PCNT: variants seen among roughly 807,000 people sequenced by gnomAD.
PCNT encodes the protein kendrin.
Under a neutral mutation model 380.4 loss-of-function variants are expected in PCNT, and 319 were observed. The observed-to-expected ratio is 0.84, with a 90% CI of 0.77 to 0.92. The LOEUF is 0.92. PCNT is among the 40% of genes least tolerant of loss of function. The pLI is 0.00. For missense variants in PCNT, 4,400 were observed against 4,255.3 expected, an observed-to-expected ratio of 1.03 and a Z score of -0.95; for synonymous variants, 1,845 against 1,735.2, an observed-to-expected ratio of 1.06 and a Z score of -1.57.
chr21:46,427,642 C>T lies in PCNT; in HGVS notation c.7341C>T (p.Pro2447=), dbSNP rs779095232. 1.1e-5 allele frequency: 18 copies of T among 1,613,786 alleles called. No individual in the cohort carries two copies. The highest frequency in any genetic ancestry group is 2.2e-5 in the East Asian group (1 of 44,882). The change falls in exon 34 of 47, where the codon CCC becomes CCT. Residue 2447 remains proline (P), a synonymous_variant. Coordinates refer to ENST00000359568, the MANE Select transcript of PCNT (RefSeq NM_006031.6). ...TTTAGGAAGTGCCCACCGCGTGCCCCGATTGGAGAGGGGACCTTCTGCAGG... is the reference window on the plus strand; with the variant it reads ...TTTAGGAAGTGCCCACCGCGTGCCCTGATTGGAGAGGGGACCTTCTGCAGG... The part of the protein sequence containing the change: ...GKTQEVPTAC[P]DWRGDLLQVV...
Position 46,347,003 on chromosome 21 carries a change from T to A in PCNT, c.976+5T>A. The A allele has an allele frequency of 1.3e-6, 2 of 1,593,024 alleles. No individual in the cohort carries two copies. The highest frequency in any genetic ancestry group is 1.7e-6 in the Non-Finnish European group (2 of 1,172,248). On this transcript the variant is annotated splice_donor_5th_base_variant and intron_variant, in intron 5 of 46. Transcript: ENST00000359568. ...TCAGGTGTGGACAGGAAGCAGGTACTGCATGGCTAGGCGGGCACGGGCAGC... is the reference window on the plus strand; with the variant it reads ...TCAGGTGTGGACAGGAAGCAGGTACAGCATGGCTAGGCGGGCACGGGCAGC...
chr21:46,380,898 C>T (rs2085508361), intron 15 of PCNT, among the ~76,000 whole-genome samples: 1 of 152,134 alleles, frequency 6.6e-6, no homozygotes, highest in South Asian at 2.1e-4. Flanking sequence ...GGTGCAGTGG[C>T]TCACACCTGT....
chr21:46,355,473 G>A lies in PCNT; in HGVS notation c.1783G>A (p.Ala595Thr). Residue 595 changes from alanine (A) to threonine (T), a missense_variant, in exon 12 of 47, where the codon GCG (alanine) becomes ACG (threonine). Ala to Thr is a moderately conservative substitution (Grantham distance 58). Transcript: ENST00000359568. Reference protein sequence around the residue: ...RHKESLPRFQAELEESHRHQL... With the variant: ...RHKESLPRFQTELEESHRHQL... ...GTAGGAGAGCCTGCCACGCTTCCAG[G>A]CGGAGTTAGAAGAAAGCCACAGGCA... is the stretch of plus-strand genomic sequence containing the variant. 2 of 1,614,018 alleles carry A rather than the reference G, an allele frequency of 1.2e-6. No homozygotes were observed. Among genetic ancestry groups the A allele is most frequent in the Non-Finnish European group, 8.5e-7 (1 of 1,180,032 alleles).
At chr21:46,427,567 CA>C in intron 33 of PCNT, 54 bp from the exon 34 acceptor site, 1 of 1,607,714 alleles carries the variant, frequency 6.2e-7, no homozygotes, top group Non-Finnish European at 8.5e-7. Flanking sequence ...AACTTTAGGG[CA>C]CAAGGATGCA....
intron 12 of PCNT, 45 bp downstream of exon 12, chr21:46,355,671 T>TG (rs1177561506): frequency 1.2e-6 from 2 of 1,602,718 alleles, no homozygotes; most frequent in Admixed American, 1.7e-5. Flanking sequence ...GTCCCGGGTC[T>TG]GGGGGACGTT....
intron 7 of PCNT, 104 bp from the exon 8 acceptor site, chr21:46,349,580 G>A: frequency 7.9e-7 from 1 of 1,273,154 alleles, no homozygotes. Context: ...GCCCAGGATG[G>A]GGCTCTGGGT....
Position 46,416,297 on chromosome 21 carries a change from GAC to G in PCNT, c.6383_6384del (p.Thr2128MetfsTer2). ...GEEPDISPHI[D>X]TCDANTATGG... ...AGAGCCTGACATATCACCCCACATA[GAC>G]ACATGTGATGCCAATACAGCCACGG... is the stretch of plus-strand genomic sequence containing the variant. On this transcript the variant is annotated frameshift_variant, in exon 30 of 47. Transcript: ENST00000359568. LOFTEE classifies it high-confidence loss of function. 6.2e-7 allele frequency: 1 copy of G among 1,613,900 alleles called. No individual in the cohort carries two copies. Among genetic ancestry groups the G allele is most frequent in the Non-Finnish European group, 8.5e-7 (1 of 1,179,876 alleles).
chr21:46,358,861 C>T (rs1451081453), intron 13 of PCNT, among the ~76,000 whole-genome samples: 2 of 151,878 alleles, frequency 1.3e-5, no homozygotes, highest in African/African-American at 2.4e-5. Context: ...AGCGCGGTGG[C>T]GCAATCTCAG....
chr21:46,326,135 C>A (rs1232061099), intron 1 of PCNT, among the ~76,000 whole-genome samples: 1 of 152,234 alleles, frequency 6.6e-6, no homozygotes, highest in Admixed American at 6.5e-5. Context: ...GAAAGCTATT[C>A]TGCCAATCAG....
intron 21 of PCNT, 60 bp downstream of exon 21, chr21:46,391,436 G>T: frequency 1.5e-6 from 2 of 1,363,670 alleles, no homozygotes; most frequent in East Asian, 2.5e-5. Flanking sequence ...CAGCTGCCAC[G>T]GTTTCCCCAG....
chr21:46,402,918 T>G (rs2086476801), intron 27 of PCNT, among the ~76,000 whole-genome samples: 1 of 152,230 alleles, frequency 6.6e-6, no homozygotes, highest in South Asian at 2.1e-4. Flanking sequence ...TAAATTTTTG[T>G]GAGTACATAG....
Position 46,383,597 on chromosome 21 carries a change from G to A in PCNT, c.3312+1757G>A, listed in dbSNP as rs546157548. Among the ~76,000 whole-genome samples, 72 of 135,894 alleles carry A rather than the reference G, an allele frequency of 5.3e-4. 3 individuals carry two copies. In the South Asian group the frequency reaches 8.8e-3, roughly 17 times the overall value. 89.2% of individuals were successfully genotyped at this position (135,894 alleles called of 152,430 possible). Reference sequence around the variant, plus strand: ...TTCACAGTGCTGTGCATTCAGCAGCGGAAGCGCATTCATGGTGTGCGTTCA... The same window carrying A: ...TTCACAGTGCTGTGCATTCAGCAGCAGAAGCGCATTCATGGTGTGCGTTCA... On this transcript the variant is annotated intron_variant, in intron 16 of 46. Transcript: ENST00000359568.
intron 2 of PCNT, among the ~76,000 whole-genome samples, chr21:46,333,976 G>A (rs2146347783): frequency 6.6e-6 from 1 of 152,304 alleles, no homozygotes; most frequent in South Asian, 2.1e-4. Context: ...GGAGGCCAAG[G>A]CGGGCGGATC....
At chr21:46,443,475 C>T (rs2053665044) in intron 44 of PCNT, among the ~76,000 whole-genome samples, 1 of 152,184 alleles carries the variant, frequency 6.6e-6, no homozygotes, top group Non-Finnish European at 1.5e-5. Flanking sequence ...GTTTGCCCCT[C>T]TGAGTCACAC....
rs1271177927 is a variant in PCNT at position 46,326,409 on chromosome 21, T to TGACA, written c.89_92dup (p.Ser31ArgfsTer47). ...ACTTCCGACAGAGAAAAACAAAAGG[T>TGACA]GACAGTTCGCATTCGGAGAAAAAGA... On this transcript the variant is annotated frameshift_variant, in exon 2 of 47. Coordinates refer to ENST00000359568, the MANE Select transcript of PCNT (RefSeq NM_006031.6). LOFTEE classifies it high-confidence loss of function. The TGACA allele has an allele frequency of 6.2e-7, 1 of 1,614,222 alleles. No homozygotes were observed. The highest frequency in any genetic ancestry group is 1.3e-5 in the African/African-American group (1 of 75,056).
At chr21:46,396,187 G>C (rs1205583448) in intron 21 of PCNT, among the ~76,000 whole-genome samples, 1 of 152,226 alleles carries the variant, frequency 6.6e-6, no homozygotes, top group African/African-American at 2.4e-5. Flanking sequence ...TTGGGCCGGG[G>C]CTTCGCCACC....
chr21:46,338,516 T>A (rs1020307056), intron 3 of PCNT, among the ~76,000 whole-genome samples: 1 of 152,314 alleles, frequency 6.6e-6, no homozygotes, highest in South Asian at 2.1e-4. Flanking sequence ...TACTTCATTG[T>A]GTGCATGGTA....
chr21:46,342,171 A>G (rs1346171612), intron 3 of PCNT, among the ~76,000 whole-genome samples: 3 of 151,820 alleles, frequency 2.0e-5, no homozygotes, highest in Non-Finnish European at 2.9e-5. Flanking sequence ...CAATGGTGCA[A>G]TCTTGGCTCA....
At chr21:46,433,590 A>G (rs1320382304) in intron 38 of PCNT, among the ~76,000 whole-genome samples, 1 of 152,064 alleles carries the variant, frequency 6.6e-6, no homozygotes, top group Non-Finnish European at 1.5e-5. Context: ...TGCTCAAAGG[A>G]GTCTTTACTT....
Sources: gnomAD v4.1 joint callset for allele counts (sites outside exome capture counted in the v4.1 genomes callset) on GRCh38, gnomAD v4.1.1 for gene constraint, MANE v1.5 for transcripts, NCBI Gene and HGNC (gene_info 2026-07-23, HGNC 2026-07-21) for gene names.